The following ARHGEF28 variants were observed in gnomAD, a reference collection of about 807,000 sequenced individuals.
The protein encoded by ARHGEF28 is Rho guanine nucleotide exchange factor 28.
A neutral mutation model predicts 206.6 loss-of-function variants in ARHGEF28; 152 were observed. The observed-to-expected ratio is 0.74, with a 90% CI of 0.64 to 0.84. The LOEUF (loss-of-function observed/expected upper bound fraction) is 0.84, where lower values mean the gene tolerates loss of function less well. Among genes scored for constraint, ARHGEF28 ranks in the 40% least tolerant of loss-of-function variants. The pLI, the probability that ARHGEF28 is intolerant of heterozygous loss-of-function variation, is 0.00. For missense variants in ARHGEF28, 2,028 were observed against 2,073.2 expected (o/e 0.98, Z 0.42); for synonymous variants, 763 against 776.4 (o/e 0.98, Z 0.29).
At chr5:73,690,838 TG>T (rs1580486881) in intron 2 of ARHGEF28, among the ~76,000 whole-genome samples, 1 of 152,226 alleles carries the variant, frequency 6.6e-6, no homozygotes, top group East Asian at 1.9e-4. Flanking sequence ...TCAATTAAAA[TG>T]GCTTTATTTA....
intron 7 of ARHGEF28, among the ~76,000 whole-genome samples, chr5:73,785,954 C>G (rs2112470058): frequency 6.7e-6 from 1 of 149,532 alleles, no homozygotes; most frequent in Admixed American, 6.8e-5. Flanking sequence ...TCAGGCTGGA[C>G]AGGTGGACAC....
intron 7 of ARHGEF28, among the ~76,000 whole-genome samples, chr5:73,782,241 C>T (rs1287091939): frequency 6.6e-6 from 1 of 151,836 alleles, no homozygotes; most frequent in Non-Finnish European, 1.5e-5. Flanking sequence ...GGGTTCGAGA[C>T]CAGCCTGACC....
chr5:73,826,446 G>A (rs1226554725), intron 9 of ARHGEF28, among the ~76,000 whole-genome samples: 6 of 152,178 alleles, frequency 3.9e-5, no homozygotes, highest in Non-Finnish European at 8.8e-5. Context: ...CCTGACTTTC[G>A]CGCTCTGGCA....
In ARHGEF28 at chr5:73,893,264, G is replaced by A. The variant is rs1308475484; in HGVS notation, c.3634G>A (p.Val1212Met). 2 of 1,557,352 alleles carry A rather than the reference G, an allele frequency of 1.3e-6. No homozygotes were observed. Among genetic ancestry groups the A allele is most frequent in the Non-Finnish European group, 1.7e-6 (2 of 1,150,730 alleles). Residue 1212 changes from valine to methionine, a missense_variant, in exon 28 of 36, where the codon GTG (valine) becomes ATG (methionine). Val to Met is a conservative substitution (Grantham distance 21). This residue lies in a region of ARHGEF28 where 803 missense variants were observed against 768.0 expected (regional missense o/e 1.05). Transcript: ENST00000513042. ...AGACAAGAGGAAAGCTGAAGCCAGAGTGGCCAAAATTCAGCAATGTCAAGG... is the reference window on the plus strand; with the variant it reads ...AGACAAGAGGAAAGCTGAAGCCAGAATGGCCAAAATTCAGCAATGTCAAGG... ...DEDKRKAEARVAKIQQCQEIL... is the reference protein window; with the variant it reads ...DEDKRKAEARMAKIQQCQEIL...
At chr5:73,659,312 C>T (rs1469627296) in intron 1 of ARHGEF28, among the ~76,000 whole-genome samples, 1 of 152,090 alleles carries the variant, frequency 6.6e-6, no homozygotes, top group African/African-American at 2.4e-5. Flanking sequence ...AGACAGATCA[C>T]GAGGTCAGGA....
intron 2 of ARHGEF28, among the ~76,000 whole-genome samples, chr5:73,747,010 C>T (rs1299511982): frequency 6.6e-6 from 1 of 152,068 alleles, no homozygotes; most frequent in African/African-American, 2.4e-5. Context: ...ATACACTAAA[C>T]TTGTTGATTA....
chr5:73,701,068 G>T (rs796869414), intron 2 of ARHGEF28, among the ~76,000 whole-genome samples: 7 of 152,008 alleles, frequency 4.6e-5, no homozygotes, highest in African/African-American at 1.7e-4. Context: ...ATTAATAAAG[G>T]TATTTTAGAA....
intron 4 of ARHGEF28, among the ~76,000 whole-genome samples, chr5:73,754,881 TTTTTA>T (rs1470639257): frequency 7.1e-6 from 1 of 141,466 alleles, no homozygotes; most frequent in Non-Finnish European, 1.5e-5. Flanking sequence ...TTTATTTTTA[TTTTTA>T]TTTTATTTAT....
chr5:73,873,259 TA>T lies in ARHGEF28; in HGVS notation c.2814+16del. The stretch of plus-strand genomic sequence containing the variant: ...TTTGGTACAACAGGTAAGAAGAGCT[TA>T]AAGTCCTTGACCTTTATGACGTAAG... On this transcript the variant is annotated intron_variant, in intron 22 of 35. Coordinates refer to ENST00000513042, the MANE Select transcript of ARHGEF28 (RefSeq NM_001177693.2). 2 of 1,603,234 alleles carry T rather than the reference TA, an allele frequency of 1.2e-6. No individual in the cohort carries two copies. Among genetic ancestry groups the T allele is most frequent in the Non-Finnish European group, 1.7e-6 (2 of 1,172,744 alleles).
At chr5:73,898,941 G>T (rs1762112291) in intron 30 of ARHGEF28, 1 of 152,134 alleles carries the variant, frequency 6.6e-6, no homozygotes, top group Non-Finnish European at 1.5e-5. Context: ...GAGATCAGAA[G>T]ATTAAATTGA....
chr5:73,669,161 G>A (rs1320192741), intron 1 of ARHGEF28, among the ~76,000 whole-genome samples: 1 of 152,040 alleles, frequency 6.6e-6, no homozygotes. Context: ...CATTCTTAAA[G>A]GATAAAGCTT....
At chr5:73,751,786 T>C (rs1017084998) in intron 3 of ARHGEF28, among the ~76,000 whole-genome samples, 2 of 152,176 alleles carry the variant, frequency 1.3e-5, no homozygotes, top group African/African-American at 4.8e-5. Flanking sequence ...ACCTTGAATT[T>C]CCCTGGTGAC....
chr5:73,675,856 A>G (rs1746635646), intron 1 of ARHGEF28, among the ~76,000 whole-genome samples: 1 of 99,948 alleles, frequency 1.0e-5, no homozygotes, highest in Non-Finnish European at 2.5e-5. Flanking sequence ...ACCATTTTCT[A>G]ACTATGTAGT....
intron 9 of ARHGEF28, among the ~76,000 whole-genome samples, chr5:73,796,088 C>T (rs1157726092): frequency 1.3e-5 from 2 of 152,220 alleles, no homozygotes; most frequent in Admixed American, 6.5e-5. Context: ...CTAATTTGGA[C>T]CCCAGCCCTA....
At chr5:73,657,903 C>T (rs1030259725) in intron 1 of ARHGEF28, among the ~76,000 whole-genome samples, 2 of 152,164 alleles carry the variant, frequency 1.3e-5, no homozygotes, top group Non-Finnish European at 2.9e-5. Context: ...GCCATTAAAC[C>T]CAATCTTCTG....
intron 1 of ARHGEF28, among the ~76,000 whole-genome samples, chr5:73,662,522 A>G (rs1745675337): frequency 6.6e-6 from 1 of 152,238 alleles, no homozygotes; most frequent in Admixed American, 6.5e-5. Context: ...AAATATCAAT[A>G]AGGAACTTAT....
intron 4 of ARHGEF28, among the ~76,000 whole-genome samples, chr5:73,760,257 A>G (rs531680846): frequency 2.6e-5 from 4 of 152,330 alleles, no homozygotes; most frequent in Admixed American, 2.0e-4. Context: ...TAGGAAACCC[A>G]TAAAGGACAG....
intron 9 of ARHGEF28, among the ~76,000 whole-genome samples, chr5:73,826,377 A>G (rs772439837): frequency 6.6e-5 from 10 of 152,164 alleles, no homozygotes; most frequent in Non-Finnish European, 1.2e-4. Context: ...AATACAATGA[A>G]TGAATGAAAC....
intron 30 of ARHGEF28, chr5:73,899,109 C>T (rs559535433): frequency 3.3e-5 from 5 of 151,296 alleles, no homozygotes; most frequent in African/African-American, 4.9e-5. Flanking sequence ...CTCTCAAGTT[C>T]TGCTTTATCT....
Sources: allele counts gnomAD v4.1 joint callset (sites outside exome capture counted in the v4.1 genomes callset), GRCh38; gene constraint gnomAD v4.1.1; regional missense constraint gnomAD v4.1.1; transcripts MANE v1.5; gene names NCBI Gene and HGNC (gene_info 2026-07-23, HGNC 2026-07-21).